Variants in CACNA2D3 observed in about 807,000 individuals in gnomAD.
The protein encoded by CACNA2D3 is voltage-dependent calcium channel subunit alpha-2/delta-3.
In CACNA2D3, 60 loss-of-function variants were observed where a neutral mutation model predicts 160.6. That is an observed-to-expected ratio of 0.37 (90% CI 0.30 to 0.46). The LOEUF is 0.46. CACNA2D3 is among the 20% of genes least tolerant of loss of function. The probability of loss-of-function intolerance (pLI) is 1.00; values close to 1 mark genes in which losing one functional copy is unlikely to be tolerated. For synonymous variants in CACNA2D3, 558 were observed against 492.9 expected, an observed-to-expected ratio of 1.13 and a Z score of -1.75; for missense variants, 1,205 against 1,365.0, an observed-to-expected ratio of 0.88 and a Z score of 1.85.
chr3:54,862,916 G>A (rs112786963), intron 17 of CACNA2D3, among the ~76,000 whole-genome samples: 4 of 152,180 alleles, frequency 2.6e-5, no homozygotes, highest in Non-Finnish European at 5.9e-5. Context: ...GTCCCTAATT[G>A]TACCTCATAT....
intron 31 of CACNA2D3, among the ~76,000 whole-genome samples, chr3:55,000,112 G>C (rs1383863629): frequency 1.3e-5 from 2 of 152,156 alleles, no homozygotes; most frequent in Admixed American, 1.3e-4. Context: ...GAGTGCAGCT[G>C]CACACAGCAC....
At position 54,958,607 on chromosome 3, in the gene CACNA2D3, A is replaced by G. The variant is rs552671623; in HGVS notation, c.2450-9843A>G. Among the ~76,000 whole-genome samples the G allele has an allele frequency of 7.2e-5, 11 of 152,308 alleles. No individual in the cohort carries two copies. In the East Asian group the frequency reaches 2.1e-3, roughly 29 times the overall value. On this transcript the variant is annotated intron_variant, in intron 27 of 37. Transcript: ENST00000474759. ...AGCAATAGTTATTATCTTTCTGAGC[A>G]CGAATTTTCTGGAACTAATAGCAAA...
At chr3:54,706,418 G>T (rs750242247) in intron 11 of CACNA2D3, among the ~76,000 whole-genome samples, 4 of 152,178 alleles carry the variant, frequency 2.6e-5, no homozygotes, top group Non-Finnish European at 5.9e-5. Context: ...TTATGCCTCA[G>T]TCACCCCTTT....
intron 35 of CACNA2D3, among the ~76,000 whole-genome samples, chr3:55,059,384 ATGT>A (rs1432451359): frequency 8.5e-5 from 13 of 152,172 alleles, no homozygotes; most frequent in African/African-American, 3.1e-4. Context: ...TCCACATGAG[ATGT>A]TGTTGTATTG....
intron 27 of CACNA2D3, among the ~76,000 whole-genome samples, chr3:54,913,001 A>G (rs1042657072): frequency 6.6e-6 from 1 of 152,186 alleles, no homozygotes; most frequent in African/African-American, 2.4e-5. Flanking sequence ...AAGGCATATC[A>G]GCATAGGATG....
chr3:54,509,391 A>G (rs764879975), intron 5 of CACNA2D3, among the ~76,000 whole-genome samples: 1 of 152,048 alleles, frequency 6.6e-6, no homozygotes, highest in Non-Finnish European at 1.5e-5. Context: ...ACAAATTCCA[A>G]CTTGAAATGG....
intron 11 of CACNA2D3, among the ~76,000 whole-genome samples, chr3:54,670,266 T>C (rs1260030078): frequency 1.3e-5 from 2 of 152,166 alleles, no homozygotes; most frequent in Non-Finnish European, 2.9e-5. Flanking sequence ...TTTTCCAGGC[T>C]GTGTCGGCAC....
chr3:54,572,943 A>G (rs1192045970), intron 8 of CACNA2D3, among the ~76,000 whole-genome samples: 3 of 152,250 alleles, frequency 2.0e-5, no homozygotes, highest in African/African-American at 7.2e-5. Context: ...GAAATAATCT[A>G]TGTAAGTTCA....
chr3:54,750,996 TC>T (rs979674557), intron 11 of CACNA2D3, among the ~76,000 whole-genome samples: 2 of 152,066 alleles, frequency 1.3e-5, no homozygotes, highest in Non-Finnish European at 2.9e-5. Flanking sequence ...GGTCTCGATC[TC>T]CTGACCTCGT....
At chr3:54,615,597 CTG>C (rs1698833183) in intron 9 of CACNA2D3, among the ~76,000 whole-genome samples, 1 of 152,204 alleles carries the variant, frequency 6.6e-6, no homozygotes, top group African/African-American at 2.4e-5. Context: ...AACTGTGTAA[CTG>C]TGACAAAGTG....
At chr3:54,742,304 G>A (rs951739500) in intron 11 of CACNA2D3, among the ~76,000 whole-genome samples, 1 of 152,160 alleles carries the variant, frequency 6.6e-6, no homozygotes, top group African/African-American at 2.4e-5. Context: ...TGTAGTCCCA[G>A]CTACTTGGGA....
chr3:54,928,122 G>C (rs1233844153), intron 27 of CACNA2D3: 2 of 560,170 alleles, frequency 3.6e-6, no homozygotes, highest in African/African-American at 3.8e-5. Flanking sequence ...ATCTGGCTGG[G>C]ATCAGTTTCC....
Position 54,663,896 on chromosome 3 carries a change from G to A in CACNA2D3, c.1167+21655G>A, listed in dbSNP as rs571170868. On this transcript the variant is annotated intron_variant, in intron 11 of 37. Coordinates refer to ENST00000474759, the MANE Select transcript of CACNA2D3 (RefSeq NM_018398.3). ...GTGTTTTCCCTTCTTGCGTCCTGAT[G>A]GTGTAGTCATGTTCAGCCTGTCCTT... 1.4e-3 allele frequency among the ~76,000 whole-genome samples: 213 copies of A among 152,272 alleles called. 2 individuals are homozygous for A. Among genetic ancestry groups the A allele is most frequent in the Non-Finnish European group, 2.6e-3 (180 of 68,028 alleles).
At chr3:54,417,657 T>TA (rs1699775336) in intron 4 of CACNA2D3, among the ~76,000 whole-genome samples, 1 of 152,116 alleles carries the variant, frequency 6.6e-6, no homozygotes, top group Non-Finnish European at 1.5e-5. Flanking sequence ...AATATAAACT[T>TA]TCTACTTTAA....
chr3:54,689,441 T>A (rs142546091), intron 11 of CACNA2D3, among the ~76,000 whole-genome samples: 6 of 152,236 alleles, frequency 3.9e-5, no homozygotes, highest in African/African-American at 1.4e-4. Context: ...AGGACAGACC[T>A]CTTTCCTGAA....
intron 35 of CACNA2D3, among the ~76,000 whole-genome samples, chr3:55,069,688 G>A (rs1240322230): frequency 2.0e-5 from 3 of 152,090 alleles, no homozygotes; most frequent in African/African-American, 7.2e-5. Flanking sequence ...TGATTGATTG[G>A]GTAGAATTCA....
At chr3:54,575,792 C>T (rs1575355413) in intron 8 of CACNA2D3, among the ~76,000 whole-genome samples, 1 of 152,074 alleles carries the variant, frequency 6.6e-6, no homozygotes, top group Non-Finnish European at 1.5e-5. Context: ...CATAGGCAAA[C>T]GTGATGGGAC....
chr3:54,717,565 GTGTGGTGT>G (rs1277721205), intron 11 of CACNA2D3, among the ~76,000 whole-genome samples: 2 of 138,910 alleles, frequency 1.4e-5, no homozygotes, highest in Non-Finnish European at 3.2e-5. Flanking sequence ...GTGTGTGTGT[GTGTGGTGT>G]GTATGTGTGC....
At chr3:54,277,144 C>A (rs979260177) in intron 2 of CACNA2D3, among the ~76,000 whole-genome samples, 2 of 152,258 alleles carry the variant, frequency 1.3e-5, no homozygotes, top group Non-Finnish European at 2.9e-5. Flanking sequence ...CCCTGCAGGA[C>A]TGGGTTGCTG....
Sources: allele counts gnomAD v4.1 joint callset (sites outside exome capture counted in the v4.1 genomes callset), GRCh38; gene constraint gnomAD v4.1.1; transcripts MANE v1.5; gene names NCBI Gene and HGNC (gene_info 2026-07-23, HGNC 2026-07-21).